Variants in KLHL20 observed in about 807,000 individuals in gnomAD.
KLHL20 encodes kelch like family member 20, also known as kelch-like protein 20.
In KLHL20, 29 loss-of-function variants were observed where a neutral mutation model predicts 69.5. The observed-to-expected ratio is 0.42, with a 90% CI of 0.31 to 0.57. The LOEUF is 0.57. Among genes scored for constraint, KLHL20 ranks in the 20% least tolerant of loss-of-function variants. KLHL20 has a pLI of 0.18. For missense variants in KLHL20, 419 were observed against 776.0 expected, an observed-to-expected ratio of 0.54 and a Z score of 5.47; for synonymous variants, 253 against 265.2, an observed-to-expected ratio of 0.95 and a Z score of 0.45.
intron 7 of KLHL20, among the ~76,000 whole-genome samples, chr1:173,764,387 GGAAAA>G (rs1393113669): frequency 6.6e-6 from 1 of 151,946 alleles, no homozygotes; most frequent in African/African-American, 2.4e-5. Context: ...TCTACTCAGA[GGAAAA>G]GAAGTCATTA....
intron 8 of KLHL20, among the ~76,000 whole-genome samples, chr1:173,770,926 A>T (rs1409647068): frequency 1.3e-5 from 2 of 152,174 alleles, no homozygotes; most frequent in East Asian, 3.9e-4. Context: ...ACACCAAGAC[A>T]TATGCTAATA....
At chr1:173,775,606 C>G in intron 9 of KLHL20, 28 bp from the exon 10 acceptor site, 1 of 1,587,706 alleles carries the variant, frequency 6.3e-7, no homozygotes. Context: ...GTTGAATGCT[C>G]ACTTACTGGT....
intron 2 of KLHL20, among the ~76,000 whole-genome samples, chr1:173,729,360 C>T (rs1313709363): frequency 6.6e-6 from 1 of 152,200 alleles, no homozygotes; most frequent in African/African-American, 2.4e-5. Flanking sequence ...GGAATCCTCC[C>T]TAACTCATTT....
At chr1:173,731,515 C>T (rs1385476985) in intron 2 of KLHL20, among the ~76,000 whole-genome samples, 1 of 152,132 alleles carries the variant, frequency 6.6e-6, no homozygotes, top group African/African-American at 2.4e-5. Context: ...GGCACATATA[C>T]ACCATGGAAT....
At chr1:173,763,134 C>T (rs1647428423) in intron 7 of KLHL20, among the ~76,000 whole-genome samples, 1 of 148,906 alleles carries the variant, frequency 6.7e-6, no homozygotes, top group Admixed American at 6.7e-5. Flanking sequence ...ACAATAGCTG[C>T]AAAAAAAAAT....
In KLHL20 at chr1:173,766,294, TC is replaced by T. The variant is rs766004175; in HGVS notation, c.1295+6del. ...TTGCCTCAACATTGTTGAGAGGTGA[TC>T]TTTTTTTTAAGTCATTTTCCGTATT... is the stretch of plus-strand genomic sequence containing the variant. On this transcript the variant is annotated splice_donor_region_variant and intron_variant, in intron 8 of 11. Transcript: ENST00000209884. 2.4e-5 allele frequency: 38 copies of T among 1,571,490 alleles called. No homozygotes were observed. The highest frequency in any genetic ancestry group is 3.4e-4 in the Middle Eastern group (2 of 5,822).
chr1:173,741,077 A>AT (rs1418331242), intron 3 of KLHL20, among the ~76,000 whole-genome samples: 1 of 152,082 alleles, frequency 6.6e-6, no homozygotes, highest in Non-Finnish European at 1.5e-5. Context: ...CATAATCTGG[A>AT]TTTTCAGGTT....
chr1:173,728,632 T>C (rs893256351), intron 2 of KLHL20, among the ~76,000 whole-genome samples: 9 of 152,062 alleles, frequency 5.9e-5, no homozygotes, highest in African/African-American at 1.9e-4. Flanking sequence ...AATAACCTGC[T>C]CCTGAATGAC....
chr1:173,748,945 T>G (rs955938197), intron 3 of KLHL20, among the ~76,000 whole-genome samples: 2 of 152,122 alleles, frequency 1.3e-5, no homozygotes, highest in African/African-American at 2.4e-5. Context: ...TTCACAAATA[T>G]CTGAAGAATA....
intron 2 of KLHL20, among the ~76,000 whole-genome samples, chr1:173,726,374 C>T (rs1671960740): frequency 6.6e-6 from 1 of 152,106 alleles, no homozygotes; most frequent in African/African-American, 2.4e-5. Flanking sequence ...ACTTAAATGT[C>T]CCTGTCTGAC....
At chr1:173,738,894 CTAT>C (rs1295389138) in intron 3 of KLHL20, among the ~76,000 whole-genome samples, 1 of 152,116 alleles carries the variant, frequency 6.6e-6, no homozygotes, top group African/African-American at 2.4e-5. Flanking sequence ...ATTCAGTTAG[CTAT>C]TATTTTGTGG....
chr1:173,770,659 A>T (rs147983177), intron 8 of KLHL20, among the ~76,000 whole-genome samples: 10 of 150,706 alleles, frequency 6.6e-5, no homozygotes, highest in African/African-American at 2.2e-4. Context: ...CACCCTGGGC[A>T]TCAAGAGCAA....
chr1:173,731,608 A>G (rs1054423581), intron 2 of KLHL20, among the ~76,000 whole-genome samples: 1 of 152,048 alleles, frequency 6.6e-6, no homozygotes, highest in African/African-American at 2.4e-5. Context: ...TCAGTAAACT[A>G]TCACAAGGAC....
chr1:173,753,972 A>C (rs1673423183), intron 5 of KLHL20, among the ~76,000 whole-genome samples: 2 of 152,222 alleles, frequency 1.3e-5, no homozygotes. Context: ...TGGGATTGTT[A>C]ACCATTTTTC....
At chr1:173,754,353 G>A (rs192705850) in intron 5 of KLHL20, among the ~76,000 whole-genome samples, 5 of 152,204 alleles carry the variant, frequency 3.3e-5, no homozygotes, top group Non-Finnish European at 4.4e-5. Flanking sequence ...TTGGGAGGCC[G>A]AGGTGGGTGT....
chr1:173,743,441 T>C (rs937987766), intron 3 of KLHL20, among the ~76,000 whole-genome samples: 1 of 152,044 alleles, frequency 6.6e-6, no homozygotes, highest in African/African-American at 2.4e-5. Context: ...CCTTTACTCC[T>C]GAATTCTCCT....
chr1:173,751,259 A>T (rs1221817524), intron 3 of KLHL20, among the ~76,000 whole-genome samples: 1 of 152,182 alleles, frequency 6.6e-6, no homozygotes, highest in African/African-American at 2.4e-5. Context: ...GATTCTCACT[A>T]GCATATATAT....
chr1:173,775,572 G>A, intron 9 of KLHL20, 62 bp from the exon 10 acceptor site: 1 of 1,400,762 alleles, frequency 7.1e-7, no homozygotes, highest in Non-Finnish European at 1.0e-6. Flanking sequence ...TGGCTATAAA[G>A]AAAACTGGAG....
At chr1:173,723,183 T>C (rs773168552) in intron 2 of KLHL20, among the ~76,000 whole-genome samples, 2 of 152,222 alleles carry the variant, frequency 1.3e-5, no homozygotes, top group Non-Finnish European at 2.9e-5. Flanking sequence ...CTGTCTTTAA[T>C]TGTTACTTTT....
Sources: gnomAD v4.1 joint callset for allele counts (sites outside exome capture counted in the v4.1 genomes callset) on GRCh38, gnomAD v4.1.1 for gene constraint, MANE v1.5 for transcripts, NCBI Gene and HGNC (gene_info 2026-07-23, HGNC 2026-07-21) for gene names.